Variants in ZMAT5 observed in about 807,000 individuals in gnomAD.
ZMAT5 encodes the protein zinc finger matrin-type 5.
Under a neutral mutation model 28.0 loss-of-function variants are expected in ZMAT5, and 23 were observed. The observed-to-expected ratio is 0.82, with a 90% CI of 0.59 to 1.16. The LOEUF (loss-of-function observed/expected upper bound fraction) is 1.16, where lower values mean the gene tolerates loss of function less well. Ranked by LOEUF, ZMAT5 falls within the 50% of genes most tolerant of loss-of-function variation. ZMAT5 has a pLI of 0.00. For missense variants in ZMAT5, 173 were observed against 212.7 expected, an observed-to-expected ratio of 0.81 and a Z score of 1.16; for synonymous variants, 76 against 84.1, an observed-to-expected ratio of 0.90 and a Z score of 0.52.
chr22:29,747,274 G>A (rs1175177250), intron 2 of ZMAT5: 2 of 152,240 alleles, frequency 1.3e-5, no homozygotes, highest in Non-Finnish European at 2.9e-5. Context: ...TTCCTTGTTT[G>A]TGAACTCTCA....
intron 5 of ZMAT5, among the ~76,000 whole-genome samples, chr22:29,735,121 G>C (rs527619790): frequency 2.6e-5 from 4 of 152,298 alleles, no homozygotes; most frequent in African/African-American, 9.6e-5. Flanking sequence ...AGCAGGGTAG[G>C]GGGTGTGGAT....
At chr22:29,737,105 G>A (rs897983779) in intron 5 of ZMAT5, among the ~76,000 whole-genome samples, 2 of 151,364 alleles carry the variant, frequency 1.3e-5, no homozygotes, top group African/African-American at 2.4e-5. Flanking sequence ...CGAGGCAGGC[G>A]GATCACCTGA....
chr22:29,738,103 C>G (rs555325190), intron 5 of ZMAT5, among the ~76,000 whole-genome samples: 2 of 152,178 alleles, frequency 1.3e-5, no homozygotes, highest in Admixed American at 6.5e-5. Context: ...CCAGCCAGCA[C>G]AGACTCCAAC....
chr22:29,738,550 G>T, intron 4 of ZMAT5, 109 bp from the exon 5 acceptor site: 1 of 950,276 alleles, frequency 1.1e-6, no homozygotes, highest in Non-Finnish European at 1.6e-6. Context: ...AGCCTGGGAA[G>T]TTGCAGCAAC....
chr22:29,731,480 A>C lies in ZMAT5; in HGVS notation c.384-126T>G, dbSNP rs2067843856. ...TCAGCTGCCTGCATGACTTTTCTGGAAGGCAGAGCCTCGAAAATAGGCAGA... is the reference window on the plus strand; with the variant it reads ...TCAGCTGCCTGCATGACTTTTCTGGCAGGCAGAGCCTCGAAAATAGGCAGA... On this transcript the variant is annotated intron_variant, in intron 5 of 5. Transcript: ENST00000344318. 3.8e-6 allele frequency: 5 copies of C among 1,317,594 alleles called. No individual in the cohort carries two copies. The South Asian group carries it at 7.8e-5, about 20-fold the overall frequency. The allele number at this position is 1,317,594 out of a possible 1,614,324, so 81.6% of individuals were successfully genotyped here.
At position 29,753,480 on chromosome 22, in the gene ZMAT5, G is replaced by A. The variant is rs370250760; in HGVS notation, c.-27-4909C>T. Among the ~76,000 whole-genome samples the A allele has an allele frequency of 3.0e-3, 452 of 152,158 alleles. 2 individuals carry two copies. The highest frequency in any genetic ancestry group is 0.01 in the African/African-American group (429 of 41,514). On this transcript the variant is annotated intron_variant, in intron 1 of 5. Coordinates refer to ENST00000344318, the MANE Select transcript of ZMAT5 (RefSeq NM_001003692.2). Reference sequence around the variant, plus strand: ...GCAGAGGTTGCAGTAAGCAGAGATCGCACCACTGCACCCCAGCCTGGGTGA... The same window carrying A: ...GCAGAGGTTGCAGTAAGCAGAGATCACACCACTGCACCCCAGCCTGGGTGA...
chr22:29,731,582 G>A (rs1223456070), intron 5 of ZMAT5: 7 of 501,002 alleles, frequency 1.4e-5, no homozygotes, highest in East Asian at 1.2e-4. Context: ...ATTGAGCTGC[G>A]AGACAATGGG....
intron 2 of ZMAT5, among the ~76,000 whole-genome samples, chr22:29,744,446 C>T (rs756137143): frequency 1.8e-4 from 27 of 150,616 alleles, no homozygotes; most frequent in Non-Finnish European, 3.4e-4. Flanking sequence ...CCAGGGGGAC[C>T]AGCAGGGTGG....
intron 1 of ZMAT5, among the ~76,000 whole-genome samples, chr22:29,765,277 G>A (rs972379495): frequency 5.9e-5 from 9 of 151,374 alleles, no homozygotes; most frequent in Non-Finnish European, 4.4e-5. Context: ...AAATGAGCTG[G>A]GCGTGTTGGC....
chr22:29,764,780 G>A (rs1184815652), intron 1 of ZMAT5, among the ~76,000 whole-genome samples: 1 of 152,192 alleles, frequency 6.6e-6, no homozygotes, highest in Non-Finnish European at 1.5e-5. Context: ...GGGGATTACA[G>A]GTGTGAGCCA....
intron 3 of ZMAT5, among the ~76,000 whole-genome samples, chr22:29,741,337 G>C (rs751048726): frequency 6.6e-6 from 1 of 152,146 alleles, no homozygotes; most frequent in Non-Finnish European, 1.5e-5. Flanking sequence ...TTCACATCAA[G>C]GCAAAGTCTG....
At position 29,738,834 on chromosome 22, in the gene ZMAT5, C is replaced by A. The variant is rs559185948; in HGVS notation, c.272-393G>T. ...GCCTGGCCAACATGGAGAAACCCTGCCTCTACTAAAAATAAAAATAAAAAA... is the reference window on the plus strand; with the variant it reads ...GCCTGGCCAACATGGAGAAACCCTGACTCTACTAAAAATAAAAATAAAAAA... On this transcript the variant is annotated intron_variant, in intron 4 of 5. Coordinates refer to ENST00000344318, the MANE Select transcript of ZMAT5 (RefSeq NM_001003692.2). Among the ~76,000 whole-genome samples, 14 of 151,972 alleles carry A rather than the reference C, an allele frequency of 9.2e-5. No individual in the cohort carries two copies. The South Asian group carries it at 2.9e-3, about 32-fold the overall frequency.
chr22:29,738,477 A>C, intron 4 of ZMAT5, 36 bp from the exon 5 acceptor site: 1 of 1,576,160 alleles, frequency 6.3e-7, no homozygotes, highest in Non-Finnish European at 8.7e-7. Context: ...AGTGAGGGGT[A>C]CACTCCTGCC....
At chr22:29,761,751 A>G (rs2068159795) in intron 1 of ZMAT5, among the ~76,000 whole-genome samples, 1 of 152,222 alleles carries the variant, frequency 6.6e-6, no homozygotes, top group Non-Finnish European at 1.5e-5. Flanking sequence ...TATTTAAAAT[A>G]CAAAAGTTAA....
At position 29,756,371 on chromosome 22, in the gene ZMAT5, A is replaced by G. The variant is rs563846391; in HGVS notation, c.-27-7800T>C. 1.2e-3 allele frequency among the ~76,000 whole-genome samples: 190 copies of G among 152,290 alleles called. 1 individual carries two copies. The highest frequency in any genetic ancestry group is 4.5e-3 in the African/African-American group (186 of 41,568). On this transcript the variant is annotated intron_variant, in intron 1 of 5. Transcript: ENST00000344318. ...GGAAGGAAGCGCCAAGGAAATCCAGATGTCTTTCCTGACCGAACCCCCGTA... is the reference window on the plus strand; with the variant it reads ...GGAAGGAAGCGCCAAGGAAATCCAGGTGTCTTTCCTGACCGAACCCCCGTA...
At chr22:29,755,798 G>A (rs2068096489) in intron 1 of ZMAT5, among the ~76,000 whole-genome samples, 1 of 152,190 alleles carries the variant, frequency 6.6e-6, no homozygotes, top group Admixed American at 6.5e-5. Context: ...GTGGGCCAGG[G>A]TGCCATGGAC....
intron 1 of ZMAT5, among the ~76,000 whole-genome samples, chr22:29,756,744 AC>A (rs1188209261): frequency 6.6e-6 from 1 of 152,050 alleles, no homozygotes; most frequent in African/African-American, 2.4e-5. Context: ...CCCCATCTCC[AC>A]AAAAAAATTT....
chr22:29,748,574 G>A lies in ZMAT5; in HGVS notation c.-27-3C>T, dbSNP rs1477005976. ...ACTCAGAGCAGGTGCTTTGCTGCCT[G>A]GGAAGCCACAAAGAGCTCAGATTAG... On this transcript the variant is annotated splice_polypyrimidine_tract_variant and splice_region_variant and intron_variant, in intron 1 of 5. Transcript: ENST00000344318. 2 of 1,613,352 alleles carry A rather than the reference G, an allele frequency of 1.2e-6. No individual in the cohort carries two copies. Among genetic ancestry groups the A allele is most frequent in the African/African-American group, 1.3e-5 (1 of 74,938 alleles).
chr22:29,750,669 A>C (rs73391000), intron 1 of ZMAT5, among the ~76,000 whole-genome samples: 6,894 of 152,290 alleles, frequency 0.045, 543 homozygotes, highest in African/African-American at 0.16. Flanking sequence ...TTCACAGAAA[A>C]GGTTCCTGAG....
Sources: allele counts gnomAD v4.1 joint callset (sites outside exome capture counted in the v4.1 genomes callset), GRCh38; gene constraint gnomAD v4.1.1; transcripts MANE v1.5; gene names NCBI Gene and HGNC (gene_info 2026-07-23, HGNC 2026-07-21).